The following SNX29 variants were observed in gnomAD, a reference collection of about 807,000 sequenced individuals.
SNX29 encodes sorting nexin 29, also known as sorting nexin-29.
SNX29 carries 78 observed loss-of-function variants against 102.1 expected under a neutral mutation model. That is an observed-to-expected ratio of 0.76 (90% CI 0.64 to 0.92). The LOEUF (loss-of-function observed/expected upper bound fraction) is 0.92, where lower values mean the gene tolerates loss of function less well. SNX29 is among the 40% of genes least tolerant of loss of function. SNX29 has a pLI of 0.00. For synonymous variants in SNX29, 580 were observed against 414.5 expected (o/e 1.40, Z -4.85); for missense variants, 1,280 against 1,061.7 (o/e 1.21, Z -2.86).
At chr16:12,400,128 C>A (rs1372782662) in intron 17 of SNX29, among the ~76,000 whole-genome samples, 1 of 151,926 alleles carries the variant, frequency 6.6e-6, no homozygotes, top group Non-Finnish European at 1.5e-5. Context: ...CCAGTTTACT[C>A]ATCTACACTA....
intron 11 of SNX29, among the ~76,000 whole-genome samples, chr16:12,123,995 A>G (rs911406444): frequency 3.3e-5 from 5 of 152,206 alleles, no homozygotes; most frequent in Non-Finnish European, 7.3e-5. Flanking sequence ...AGCAAGGATG[A>G]TATCATTTGC....
chr16:12,021,648 G>C lies in SNX29; in HGVS notation c.123-5672G>C, dbSNP rs1204684500. On this transcript the variant is annotated intron_variant, in intron 3 of 20. Coordinates refer to ENST00000566228, the MANE Select transcript of SNX29 (RefSeq NM_032167.5). ...CACTTCTGTAATCCTAGCACTTTGG[G>C]GGGCCAAGGTAGGCGGATCACTTGA... Among the ~76,000 whole-genome samples the C allele has an allele frequency of 5.9e-5, 9 of 151,996 alleles. No individual in the cohort carries two copies. The East Asian group carries it at 9.7e-4, about 16-fold the overall frequency.
intron 20 of SNX29, among the ~76,000 whole-genome samples, chr16:12,549,711 G>C (rs140705017): frequency 6.6e-6 from 1 of 152,230 alleles, no homozygotes; most frequent in African/African-American, 2.4e-5. Flanking sequence ...CTTGGGGCCA[G>C]GAGAGTCACC....
chr16:12,206,755 T>G (rs1478971720), intron 14 of SNX29, among the ~76,000 whole-genome samples: 2 of 151,104 alleles, frequency 1.3e-5, no homozygotes, highest in East Asian at 3.9e-4. Context: ...TGGGAAATTT[T>G]TAAAAATCCC....
rs185554041 is a variant in SNX29 at position 12,193,957 on chromosome 16, A to T, written c.1596-5644A>T. ...GCTTTGTGCTGCTTTTTCAAAAATG[A>T]TTTTGGCTATTTTAGTTTCTTTGTC... On this transcript the variant is annotated intron_variant, in intron 13 of 20. Transcript: ENST00000566228. 2.1e-3 allele frequency among the ~76,000 whole-genome samples: 327 copies of T among 152,286 alleles called. 2 individuals carry two copies. Among genetic ancestry groups the T allele is most frequent in the Non-Finnish European group, 2.7e-3 (187 of 68,012 alleles).
chr16:11,978,002 G>C (rs953361854), intron 1 of SNX29, among the ~76,000 whole-genome samples: 2 of 152,110 alleles, frequency 1.3e-5, no homozygotes, highest in African/African-American at 2.4e-5. Flanking sequence ...GAGGTTGAGC[G>C]GGGGGCAAGG....
At chr16:12,508,613 G>C (rs1025485449) in intron 19 of SNX29, among the ~76,000 whole-genome samples, 1 of 152,218 alleles carries the variant, frequency 6.6e-6, no homozygotes, top group African/African-American at 2.4e-5. Flanking sequence ...TGCTCTCAAA[G>C]GGCTGTGGTC....
intron 18 of SNX29, among the ~76,000 whole-genome samples, chr16:12,412,814 T>C (rs569832600): frequency 6.6e-6 from 1 of 152,366 alleles, no homozygotes; most frequent in Admixed American, 6.5e-5. Flanking sequence ...TTTTTATATT[T>C]ACTTTTTATA....
At chr16:12,206,120 A>G (rs1567310552) in intron 14 of SNX29, among the ~76,000 whole-genome samples, 1 of 152,138 alleles carries the variant, frequency 6.6e-6, no homozygotes, top group Non-Finnish European at 1.5e-5. Context: ...TTTTGCTTTT[A>G]GTGACCACGA....
At chr16:12,082,828 G>A (rs2051974086) in intron 11 of SNX29, among the ~76,000 whole-genome samples, 1 of 152,048 alleles carries the variant, frequency 6.6e-6, no homozygotes, top group Non-Finnish European at 1.5e-5. Context: ...GCACAGATGA[G>A]GGGTCAGGAA....
At chr16:12,415,325 C>T (rs1447169505) in intron 18 of SNX29, among the ~76,000 whole-genome samples, 5 of 152,188 alleles carry the variant, frequency 3.3e-5, no homozygotes, top group South Asian at 2.1e-4. Context: ...GCTGCCCACT[C>T]GGCAGGATTG....
chr16:11,983,549 T>G, intron 1 of SNX29: 4 of 566,488 alleles, frequency 7.1e-6, no homozygotes, highest in Non-Finnish European at 8.9e-6. Context: ...TATCAACATT[T>G]TTTCCCCCTT....
intron 13 of SNX29, among the ~76,000 whole-genome samples, chr16:12,155,323 G>A (rs894699229): frequency 2.0e-5 from 3 of 152,148 alleles, no homozygotes; most frequent in East Asian, 1.9e-4. Flanking sequence ...GTGTTAAGTC[G>A]GTGGATTCAG....
intron 19 of SNX29, among the ~76,000 whole-genome samples, chr16:12,483,606 C>T (rs2088081348): frequency 6.6e-6 from 1 of 152,210 alleles, no homozygotes; most frequent in South Asian, 2.1e-4. Context: ...TGAGCCACCA[C>T]ATCTGGCCCA....
At chr16:12,505,372 C>A (rs1463281584) in intron 19 of SNX29, among the ~76,000 whole-genome samples, 1 of 151,948 alleles carries the variant, frequency 6.6e-6, no homozygotes, top group Non-Finnish European at 1.5e-5. Flanking sequence ...TGAAAAAAAA[C>A]CATTGTTTCC....
intron 13 of SNX29, among the ~76,000 whole-genome samples, chr16:12,177,161 T>C (rs1418659770): frequency 2.0e-5 from 3 of 152,278 alleles, no homozygotes; most frequent in African/African-American, 7.2e-5. Flanking sequence ...TTTTCTGGGC[T>C]GGTCTTGAAC....
At chr16:12,414,495 C>T (rs759380891) in intron 18 of SNX29, among the ~76,000 whole-genome samples, 12 of 152,222 alleles carry the variant, frequency 7.9e-5, no homozygotes, top group Admixed American at 2.6e-4. Flanking sequence ...TTCACCTCCA[C>T]GGTTACAGAA....
In SNX29 at chr16:12,570,915, A is replaced by C. The variant is rs2079174181; in HGVS notation, c.*2286A>C. 4.5e-6 allele frequency: 1 copy of C among 222,072 alleles called. No individual in the cohort carries two copies. The highest frequency in any genetic ancestry group is 8.8e-6 in the Non-Finnish European group (1 of 113,692). The allele number at this position is 222,072 out of a possible 1,614,324, so 13.8% of individuals were successfully genotyped here. A position where few individuals can be genotyped will look rare whatever the true frequency, so the allele number is the denominator to read the frequency against. On this transcript the variant is annotated 3_prime_UTR_variant, in exon 21 of 21. Coordinates refer to ENST00000566228, the MANE Select transcript of SNX29 (RefSeq NM_032167.5). ...TCACAAAAAACCTGGTCTGCTCTCC[A>C]AAATGAGAGCATGTTCCTGGGAGCC...
At chr16:12,453,081 C>T (rs2151722846) in intron 18 of SNX29, among the ~76,000 whole-genome samples, 1 of 152,258 alleles carries the variant, frequency 6.6e-6, no homozygotes, top group South Asian at 2.1e-4. Context: ...GCCTCCCCTC[C>T]CACCCTTCAT....
Sources: allele counts gnomAD v4.1 joint callset (sites outside exome capture counted in the v4.1 genomes callset), GRCh38; gene constraint gnomAD v4.1.1; transcripts MANE v1.5; gene names NCBI Gene and HGNC (gene_info 2026-07-23, HGNC 2026-07-21).